The following ZC3H3 variants were observed in gnomAD, a reference collection of about 807,000 sequenced individuals.
ZC3H3 encodes zinc finger CCCH-type containing 3, also known as zinc finger CCCH domain-containing protein 3.
Under a neutral mutation model 77.3 loss-of-function variants are expected in ZC3H3, and 36 were observed. That is an observed-to-expected ratio of 0.47 (90% CI 0.36 to 0.61). The LOEUF (loss-of-function observed/expected upper bound fraction) is 0.61, where lower values mean the gene tolerates loss of function less well. Among genes scored for constraint, ZC3H3 ranks in the 20% least tolerant of loss-of-function variants. The pLI is 0.00. For synonymous variants in ZC3H3, 626 were observed against 555.2 expected, an observed-to-expected ratio of 1.13 and a Z score of -1.79; for missense variants, 1,331 against 1,312.2, an observed-to-expected ratio of 1.01 and a Z score of -0.22.
chr8:143,474,342 C>T (rs2129901951), intron 5 of ZC3H3, among the ~76,000 whole-genome samples: 1 of 152,284 alleles, frequency 6.6e-6, no homozygotes, highest in East Asian at 1.9e-4. Context: ...TTTATTCCTG[C>T]CCAGTTCACC....
At chr8:143,461,650 C>A (rs1223894396) in intron 9 of ZC3H3, among the ~76,000 whole-genome samples, 1 of 152,146 alleles carries the variant, frequency 6.6e-6, no homozygotes, top group African/African-American at 2.4e-5. Flanking sequence ...CGGCTTGACT[C>A]TGTAATAAAA....
intron 9 of ZC3H3, among the ~76,000 whole-genome samples, chr8:143,448,853 T>C (rs1205297768): frequency 6.6e-6 from 1 of 152,264 alleles, no homozygotes; most frequent in Admixed American, 6.5e-5. Context: ...TGCCTGGACA[T>C]ACAGGCTTTT....
In ZC3H3 at chr8:143,440,359, G is replaced by A. The variant is rs146240989; in HGVS notation, c.2497C>T (p.Pro833Ser). Residue 833 changes from proline (P) to serine (S), a missense_variant, in exon 11 of 12, where the codon CCT becomes TCT. By Grantham distance (74) the Pro-to-Ser change is moderately conservative. Transcript: ENST00000262577. ...RVSASHGPRKPSASQRPTRQT... is the reference protein window; with the variant it reads ...RVSASHGPRKSSASQRPTRQT... ...CTGGTGGGGCGCTGGGATGCTGAAG[G>A]CTTCCTGCAGGGAAGGAAGGGGCAG... 4.6e-5 allele frequency: 70 copies of A among 1,522,028 alleles called. No homozygotes were observed. In the African/African-American group the frequency reaches 7.5e-4, roughly 16 times the overall value. The allele number at this position is 1,522,028 out of a possible 1,614,324, so 94.3% of individuals were successfully genotyped here.
At chr8:143,513,158 C>T (rs1344853961) in intron 3 of ZC3H3, among the ~76,000 whole-genome samples, 11 of 152,178 alleles carry the variant, frequency 7.2e-5, no homozygotes, top group Admixed American at 2.0e-4. Flanking sequence ...CTCACACCCA[C>T]GGCCTCAGCT....
In ZC3H3 at chr8:143,539,071, C is replaced by T. The variant is rs757255382; in HGVS notation, c.296G>A (p.Arg99Gln). 39 of 1,612,840 alleles carry T rather than the reference C, an allele frequency of 2.4e-5. No individual in the cohort carries two copies. Among genetic ancestry groups the T allele is most frequent in the South Asian group, 4.4e-5 (4 of 91,090 alleles). The change falls in exon 2 of 12, where the codon CGG (arginine) becomes CAG (glutamine). Residue 99 changes from arginine to glutamine, a missense_variant. Arg to Gln is a conservative substitution (Grantham distance 43). This residue lies in a region of ZC3H3 where 978 missense variants were observed against 915.5 expected (regional missense o/e 1.07). Coordinates refer to ENST00000262577, the MANE Select transcript of ZC3H3 (RefSeq NM_015117.3). The stretch of plus-strand genomic sequence containing the variant: ...CTGCGGGACAGGAGGCTGGCCCCCC[C>T]GGGCCCCGTGCAACGGCCGCACAGC... ...DHAVRPLHGARGGQPPVPQQH... is the reference protein window; with the variant it reads ...DHAVRPLHGAQGGQPPVPQQH...
chr8:143,512,713 G>A (rs573515902), intron 3 of ZC3H3, among the ~76,000 whole-genome samples: 3 of 152,198 alleles, frequency 2.0e-5, no homozygotes, highest in Non-Finnish European at 4.4e-5. Context: ...CTCTTCCTCC[G>A]GCACTGCCTG....
intron 4 of ZC3H3, among the ~76,000 whole-genome samples, chr8:143,491,467 CG>C (rs1821199765): frequency 6.6e-6 from 1 of 152,230 alleles, no homozygotes; most frequent in Non-Finnish European, 1.5e-5. Context: ...CGGGCCTGGG[CG>C]AGGCTCACAC....
At chr8:143,528,951 G>A (rs549928612) in intron 3 of ZC3H3, among the ~76,000 whole-genome samples, 5 of 152,254 alleles carry the variant, frequency 3.3e-5, no homozygotes, top group Non-Finnish European at 5.9e-5. Flanking sequence ...ACAATAAGCC[G>A]GCAATTCCTG....
Position 143,538,718 on chromosome 8 carries a change from G to C in ZC3H3, c.649C>G (p.Arg217Gly). 1 of 1,609,344 alleles carries C rather than the reference G, an allele frequency of 6.2e-7. No homozygotes were observed. Among genetic ancestry groups the C allele is most frequent in the Non-Finnish European group, 8.5e-7 (1 of 1,179,870 alleles). The change falls in exon 2 of 12, where the codon CGG becomes GGG. Residue 217 changes from arginine (R) to glycine (G), a missense_variant. Transcript: ENST00000262577. The stretch of plus-strand genomic sequence containing the variant: ...GCAATCACACTCTCACTGACTGTCC[G>C]GCGGGGCTCCCGGGGGCTGTCGCCC... Reference protein sequence around the residue: ...SVGDSPREPRRTVSESVIAVK... With the variant: ...SVGDSPREPRGTVSESVIAVK...
chr8:143,503,655 C>G (rs555398687), intron 4 of ZC3H3, among the ~76,000 whole-genome samples: 2 of 146,012 alleles, frequency 1.4e-5, no homozygotes, highest in African/African-American at 5.1e-5. Flanking sequence ...CTGTCTCCAC[C>G]ACCACCTCCT....
intron 4 of ZC3H3, among the ~76,000 whole-genome samples, chr8:143,502,359 C>T (rs1489323583): frequency 1.3e-5 from 2 of 152,240 alleles, no homozygotes; most frequent in African/African-American, 2.4e-5. Context: ...GCGTGGGGAG[C>T]GCAGCATCGC....
chr8:143,465,919 C>A (rs537822096), intron 8 of ZC3H3, 71 bp from the exon 9 acceptor site: 4 of 1,541,864 alleles, frequency 2.6e-6, no homozygotes, highest in East Asian at 2.3e-5. Context: ...TGGCTGGGGA[C>A]CCTCCTACGG....
chr8:143,441,179 G>T, intron 9 of ZC3H3, 59 bp from the exon 10 acceptor site: 1 of 1,350,358 alleles, frequency 7.4e-7, no homozygotes, highest in Non-Finnish European at 9.5e-7. Flanking sequence ...GCTGCACGGG[G>T]AAGGCAAGGA....
At chr8:143,471,724 C>T (rs779968770) in intron 5 of ZC3H3, among the ~76,000 whole-genome samples, 19 of 152,164 alleles carry the variant, frequency 1.2e-4, no homozygotes, top group Non-Finnish European at 2.6e-4. Flanking sequence ...CGTCAGGGGC[C>T]CAGAGCCCAG....
At chr8:143,519,627 G>A (rs1042058357) in intron 3 of ZC3H3, among the ~76,000 whole-genome samples, 4 of 152,160 alleles carry the variant, frequency 2.6e-5, no homozygotes, top group Admixed American at 2.0e-4. Context: ...AAGGACAGGC[G>A]AGCGTGCCGT....
chr8:143,541,299 C>A, intron 1 of ZC3H3, 77 bp downstream of exon 1: 1 of 1,588,718 alleles, frequency 6.3e-7, no homozygotes. Context: ...GCGACCCCTT[C>A]GACAAGGGGG....
rs542969250 is a variant in ZC3H3 at position 143,448,646 on chromosome 8, C to T, written c.2308-7526G>A. ...CCACAGCTATTTTCAAGAGCCAGCA[C>T]TGAGTGCCTGCAGCTTTTCCAGGTG... On this transcript the variant is annotated intron_variant, in intron 9 of 11. Transcript: ENST00000262577. Among the ~76,000 whole-genome samples, 17 of 152,346 alleles carry T rather than the reference C, an allele frequency of 1.1e-4. No individual in the cohort carries two copies. In the South Asian group the frequency reaches 2.3e-3, roughly 20 times the overall value.
At chr8:143,518,149 G>A (rs1822121856) in intron 3 of ZC3H3, among the ~76,000 whole-genome samples, 1 of 152,210 alleles carries the variant, frequency 6.6e-6, no homozygotes, top group Non-Finnish European at 1.5e-5. Context: ...TCCAGGGCCA[G>A]GATGGCCTAG....
intron 9 of ZC3H3, among the ~76,000 whole-genome samples, chr8:143,463,032 G>A (rs1282982629): frequency 6.7e-6 from 1 of 150,034 alleles, no homozygotes; most frequent in Admixed American, 6.6e-5. Context: ...CACGTAGGCT[G>A]GAGTGCAGTG....
Sources: allele counts gnomAD v4.1 joint callset (sites outside exome capture counted in the v4.1 genomes callset), GRCh38; gene constraint gnomAD v4.1.1; regional missense constraint gnomAD v4.1.1; transcripts MANE v1.5; gene names NCBI Gene and HGNC (gene_info 2026-07-23, HGNC 2026-07-21).